The following HTR4 variants were observed in gnomAD, a reference collection of about 807,000 sequenced individuals.
HTR4 encodes 5-hydroxytryptamine (serotonin) receptor 4, G protein-coupled.
HTR4 carries 16 observed loss-of-function variants against 36.8 expected under a neutral mutation model. The observed-to-expected ratio is 0.43, with a 90% CI of 0.29 to 0.66. The LOEUF is 0.66. Ranked by LOEUF, HTR4 falls within the 30% of genes least tolerant of loss-of-function variation. The pLI is 0.13. For synonymous variants in HTR4, 189 were observed against 185.1 expected (o/e 1.02, Z -0.17); for missense variants, 438 against 490.9 (o/e 0.89, Z 1.02).
chr5:148,619,800 T>C (rs1561654342), intron 2 of HTR4, among the ~76,000 whole-genome samples: 1 of 152,042 alleles, frequency 6.6e-6, no homozygotes, highest in Non-Finnish European at 1.5e-5. Context: ...GGAAATGAGC[T>C]GTAACTTGAC....
At chr5:148,587,761 G>A (rs937756859) in intron 2 of HTR4, among the ~76,000 whole-genome samples, 11 of 152,292 alleles carry the variant, frequency 7.2e-5, no homozygotes, top group African/African-American at 2.6e-4. Context: ...GCAGAAACAA[G>A]ACAGTCTGGA....
At chr5:148,550,346 A>G in intron 2 of HTR4, 84 bp from the exon 3 acceptor site, 1 of 1,519,778 alleles carries the variant, frequency 6.6e-7, no homozygotes. Context: ...ATTGACCTTC[A>G]GAAAGGTAAC....
chr5:148,594,694 C>A (rs1227721083), intron 2 of HTR4, among the ~76,000 whole-genome samples: 2 of 152,124 alleles, frequency 1.3e-5, no homozygotes, highest in Non-Finnish European at 2.9e-5. Flanking sequence ...TCTACCGCAA[C>A]CCAGTCACTG....
At chr5:148,541,228 T>C (rs1759101804) in intron 4 of HTR4, among the ~76,000 whole-genome samples, 1 of 152,118 alleles carries the variant, frequency 6.6e-6, no homozygotes, top group East Asian at 1.9e-4. Flanking sequence ...GCACCTCAGG[T>C]CTCATTCTTA....
intron 1 of HTR4, among the ~76,000 whole-genome samples, chr5:148,646,807 T>G (rs1215540061): frequency 1.3e-5 from 2 of 152,120 alleles, no homozygotes; most frequent in Admixed American, 6.5e-5. Flanking sequence ...TTATTCTCAT[T>G]TCACAGATGA....
chr5:148,640,887 A>G (rs1753710712), intron 1 of HTR4, among the ~76,000 whole-genome samples: 1 of 152,236 alleles, frequency 6.6e-6, no homozygotes, highest in Non-Finnish European at 1.5e-5. Flanking sequence ...CATAGCATAT[A>G]GATTGTTACA....
intron 5 of HTR4, among the ~76,000 whole-genome samples, chr5:148,515,514 C>T (rs902206156): frequency 2.0e-5 from 3 of 152,066 alleles, no homozygotes; most frequent in African/African-American, 4.8e-5. Flanking sequence ...ATACAAAAAC[C>T]TGATGTGGAA....
chr5:148,598,129 G>A (rs1235847366), intron 2 of HTR4, among the ~76,000 whole-genome samples: 1 of 152,116 alleles, frequency 6.6e-6, no homozygotes, highest in African/African-American at 2.4e-5. Context: ...GAAAGAGTAG[G>A]ACCATAAAAA....
At chr5:148,565,704 G>A (rs938731236) in intron 2 of HTR4, among the ~76,000 whole-genome samples, 1 of 152,082 alleles carries the variant, frequency 6.6e-6, no homozygotes, top group African/African-American at 2.4e-5. Context: ...AGAAGATGAG[G>A]GAGTGAAGGT....
At chr5:148,477,797 T>A (rs1755745833), downstream of HTR4, among the ~76,000 whole-genome samples, 1 of 152,208 alleles carries the variant, frequency 6.6e-6, no homozygotes, top group Non-Finnish European at 1.5e-5. Flanking sequence ...GTACTGGCTA[T>A]GTCAAGCACA....
chr5:148,459,930 T>C (rs2113691901), intron 5 of HTR4, among the ~76,000 whole-genome samples: 1 of 152,258 alleles, frequency 6.6e-6, no homozygotes, highest in East Asian at 1.9e-4. Flanking sequence ...ATGAGTAACG[T>C]AAGCAATGAG....
chr5:148,476,760 C>G, downstream of HTR4: 1 of 1,612,844 alleles, frequency 6.2e-7, no homozygotes, highest in South Asian at 1.1e-5. Context: ...TAGGAGAGAT[C>G]AAAAAGAACG....
chr5:148,606,851 C>A (rs1752186024), intron 2 of HTR4, among the ~76,000 whole-genome samples: 1 of 152,136 alleles, frequency 6.6e-6, no homozygotes, highest in African/African-American at 2.4e-5. Flanking sequence ...TCAAAAATAA[C>A]ACTTTATTGG....
intron 2 of HTR4, among the ~76,000 whole-genome samples, chr5:148,567,224 G>T (rs1462826845): frequency 6.6e-6 from 1 of 152,020 alleles, no homozygotes; most frequent in Non-Finnish European, 1.5e-5. Flanking sequence ...TTTAAACAAA[G>T]TTCTCTCCCC....
chr5:148,609,581 GTTTTT>G lies in HTR4; in HGVS notation c.26+27403_26+27407del, dbSNP rs5872086. Among the ~76,000 whole-genome samples, 3 of 143,364 alleles carry G rather than the reference GTTTTT, an allele frequency of 2.1e-5. No homozygotes were observed. The South Asian group carries it at 6.7e-4, about 32-fold the overall frequency. 94.1% of individuals were successfully genotyped at this position (143,364 alleles called of 152,430 possible). A position where few individuals can be genotyped will look rare whatever the true frequency, so the allele number is the denominator to read the frequency against. ...GCTTGTGTATAAGGAATTTTTAAGG[GTTTTT>G]TTTTTTTTTTGAGACTCCGCCCAGG... is the stretch of plus-strand genomic sequence containing the variant. On this transcript the variant is annotated intron_variant, in intron 2 of 6. Transcript: ENST00000377888.
At chr5:148,528,720 T>C (rs1758406204) in intron 4 of HTR4, among the ~76,000 whole-genome samples, 1 of 152,006 alleles carries the variant, frequency 6.6e-6, no homozygotes, top group Non-Finnish European at 1.5e-5. Flanking sequence ...AATGTCCCCG[T>C]TAATAACAAA....
intron 1 of HTR4, 67 bp from the exon 2 acceptor site, chr5:148,637,128 T>TA: frequency 9.7e-7 from 1 of 1,027,014 alleles, no homozygotes; most frequent in Non-Finnish European, 1.5e-6. Flanking sequence ...GTCCTTGTTT[T>TA]AAAAAACTCA....
chr5:148,561,459 A>T (rs1030384313), intron 2 of HTR4, among the ~76,000 whole-genome samples: 16 of 152,350 alleles, frequency 1.1e-4, no homozygotes, highest in African/African-American at 3.8e-4. Flanking sequence ...GAAATGCCAA[A>T]TAATAGTGCT....
intron 4 of HTR4, among the ~76,000 whole-genome samples, chr5:148,536,423 TA>T (rs1175864442): frequency 6.6e-6 from 1 of 151,922 alleles, no homozygotes; most frequent in African/African-American, 2.4e-5. Flanking sequence ...ATGCCTCACT[TA>T]AAAGTCACAG....
Sources: allele counts gnomAD v4.1 joint callset (sites outside exome capture counted in the v4.1 genomes callset), GRCh38; gene constraint gnomAD v4.1.1; transcripts MANE v1.5; gene names NCBI Gene and HGNC (gene_info 2026-07-23, HGNC 2026-07-21).